PRKN: variants seen among roughly 807,000 people sequenced by gnomAD.
The protein encoded by PRKN is E3 ubiquitin-protein ligase parkin.
Under a neutral mutation model 59.5 loss-of-function variants are expected in PRKN, and 56 were observed. The observed-to-expected ratio is 0.94, with a 90% CI of 0.76 to 1.18. The LOEUF is 1.18. Among genes scored for constraint, PRKN ranks in the 50% most tolerant of loss-of-function variants. The probability of loss-of-function intolerance (pLI) is 0.00; values close to 1 mark genes in which losing one functional copy is unlikely to be tolerated. For missense variants in PRKN, 657 were observed against 596.4 expected, an observed-to-expected ratio of 1.10 and a Z score of -1.06; for synonymous variants, 250 against 222.1, an observed-to-expected ratio of 1.13 and a Z score of -1.12.
At chr6:161,935,489 G>C (rs1036213904) in intron 6 of PRKN, among the ~76,000 whole-genome samples, 3 of 151,390 alleles carry the variant, frequency 2.0e-5, no homozygotes, top group African/African-American at 7.3e-5. Context: ...GGGAAGTTGA[G>C]GCTGCAGTGA....
intron 6 of PRKN, among the ~76,000 whole-genome samples, chr6:161,900,617 T>C (rs1162261084): frequency 9.8e-6 from 1 of 101,872 alleles, no homozygotes; most frequent in Non-Finnish European, 1.9e-5. Context: ...TATACTGTAG[T>C]ATATACTATA....
At chr6:162,075,420 T>C (rs1428868974) in intron 4 of PRKN, among the ~76,000 whole-genome samples, 1 of 151,550 alleles carries the variant, frequency 6.6e-6, no homozygotes, top group Non-Finnish European at 1.5e-5. Flanking sequence ...TGGTGTGTAG[T>C]ATAGTACTCT....
chr6:162,576,641 G>A (rs1404275201), intron 1 of PRKN, among the ~76,000 whole-genome samples: 5 of 151,986 alleles, frequency 3.3e-5, no homozygotes, highest in Non-Finnish European at 7.4e-5. Flanking sequence ...GTGAAACCCT[G>A]TCTCTACTAA....
chr6:161,780,051 C>T (rs185155951), intron 7 of PRKN, among the ~76,000 whole-genome samples: 69 of 152,290 alleles, frequency 4.5e-4, no homozygotes, highest in Admixed American at 2.3e-3. Flanking sequence ...GTGTACATTG[C>T]GTGCCTACTG....
At chr6:161,519,103 T>C (rs1219539584) in intron 9 of PRKN, among the ~76,000 whole-genome samples, 1 of 152,112 alleles carries the variant, frequency 6.6e-6, no homozygotes, top group African/African-American at 2.4e-5. Context: ...GAGTATAGGC[T>C]AATTGAGGGA....
intron 6 of PRKN, among the ~76,000 whole-genome samples, chr6:161,856,226 G>A (rs1014994364): frequency 6.6e-6 from 1 of 152,096 alleles, no homozygotes; most frequent in African/African-American, 2.4e-5. Flanking sequence ...CAGGCATGAG[G>A]GCGGGCACCT....
chr6:162,019,657 C>G (rs1049102365), intron 5 of PRKN, among the ~76,000 whole-genome samples: 16 of 152,274 alleles, frequency 1.1e-4, no homozygotes, highest in African/African-American at 3.9e-4. Flanking sequence ...TTGGTCCACG[C>G]TTTGTTAGCA....
chr6:162,384,648 A>T (rs1163688199), intron 2 of PRKN, among the ~76,000 whole-genome samples: 1 of 106,016 alleles, frequency 9.4e-6, no homozygotes, highest in Admixed American at 9.6e-5. Context: ...TTCAATTTGT[A>T]AAAAAAAAAA....
At chr6:162,704,661 T>C (rs1584084027) in intron 1 of PRKN, among the ~76,000 whole-genome samples, 1 of 152,146 alleles carries the variant, frequency 6.6e-6, no homozygotes, top group African/African-American at 2.4e-5. Flanking sequence ...TATTTGTGAA[T>C]AAAAATGTGT....
At chr6:161,491,042 C>T (rs1223654023) in intron 9 of PRKN, among the ~76,000 whole-genome samples, 1 of 152,148 alleles carries the variant, frequency 6.6e-6, no homozygotes, top group Non-Finnish European at 1.5e-5. Flanking sequence ...AACCATGAGC[C>T]AATTAAACAT....
chr6:161,848,345 A>G (rs1793284961), intron 6 of PRKN, among the ~76,000 whole-genome samples: 1 of 152,202 alleles, frequency 6.6e-6, no homozygotes, highest in Non-Finnish European at 1.5e-5. Context: ...ATAATTTGAT[A>G]TAGCATCAAA....
At chr6:162,527,334 G>A (rs1303415634) in intron 1 of PRKN, among the ~76,000 whole-genome samples, 1 of 152,138 alleles carries the variant, frequency 6.6e-6, no homozygotes, top group Non-Finnish European at 1.5e-5. Flanking sequence ...GCACATAACA[G>A]TCTTCGAAGG....
At chr6:162,542,787 C>T (rs1345671255) in intron 1 of PRKN, among the ~76,000 whole-genome samples, 1 of 152,030 alleles carries the variant, frequency 6.6e-6, no homozygotes, top group East Asian at 2.0e-4. Flanking sequence ...CCATCACCTC[C>T]ACCTCCACCT....
chr6:162,494,131 C>T (rs1792944739), intron 1 of PRKN, among the ~76,000 whole-genome samples: 1 of 152,206 alleles, frequency 6.6e-6, no homozygotes, highest in Admixed American at 6.5e-5. Flanking sequence ...CTCTCCATGT[C>T]TCCCATTGTG....
At chr6:161,827,523 T>G (rs1186824614) in intron 6 of PRKN, among the ~76,000 whole-genome samples, 1 of 148,416 alleles carries the variant, frequency 6.7e-6, no homozygotes, top group African/African-American at 2.5e-5. Context: ...TTTTTTTTTT[T>G]TTTTGAGACA....
At chr6:162,489,495 A>C (rs1232316897) in intron 1 of PRKN, among the ~76,000 whole-genome samples, 1 of 152,110 alleles carries the variant, frequency 6.6e-6, no homozygotes, top group Non-Finnish European at 1.5e-5. Context: ...CAGTTTGTTT[A>C]AATTTAACAA....
rs939584555 is a variant in PRKN, at chr6:162,186,281, A to C, written c.534+14850T>G. 2.4e-4 allele frequency among the ~76,000 whole-genome samples: 37 copies of C among 152,016 alleles called. 1 individual carries two copies. The highest frequency in any genetic ancestry group is 1.5e-5 in the Non-Finnish European group (1 of 68,028). ...ATTGCCTATGTGAATTTACAAATCTAAACATCACTGACATAATTTTTTTAA... is the reference window on the plus strand; with the variant it reads ...ATTGCCTATGTGAATTTACAAATCTCAACATCACTGACATAATTTTTTTAA... On this transcript the variant is annotated intron_variant, in intron 4 of 11. Transcript: ENST00000366898.
At chr6:162,257,572 C>T (rs574806726) in intron 3 of PRKN, among the ~76,000 whole-genome samples, 19 of 152,060 alleles carry the variant, frequency 1.2e-4, no homozygotes, top group Non-Finnish European at 1.6e-4. Flanking sequence ...TTGTCTGGGT[C>T]GGTTCCTCAA....
chr6:161,647,164 T>C (rs564996096), intron 7 of PRKN, among the ~76,000 whole-genome samples: 1 of 152,124 alleles, frequency 6.6e-6, no homozygotes, highest in Non-Finnish European at 1.5e-5. Context: ...TAACCCAGAG[T>C]GATTCACCGA....
Sources: allele counts gnomAD v4.1 joint callset (sites outside exome capture counted in the v4.1 genomes callset), GRCh38; gene constraint gnomAD v4.1.1; transcripts MANE v1.5; gene names NCBI Gene and HGNC (gene_info 2026-07-23, HGNC 2026-07-21).